GGA2: variants seen among roughly 807,000 people sequenced by gnomAD.
The protein encoded by GGA2 is ADP-ribosylation factor-binding protein GGA2.
Under a neutral mutation model 79.5 loss-of-function variants are expected in GGA2, and 48 were observed. That is an observed-to-expected ratio of 0.60 (90% CI 0.48 to 0.77). The LOEUF (loss-of-function observed/expected upper bound fraction) is 0.77. Ranked by LOEUF, GGA2 falls within the 30% of genes least tolerant of loss-of-function variation. The probability of loss-of-function intolerance (pLI) is 0.00; values close to 1 mark genes in which losing one functional copy is unlikely to be tolerated. For synonymous variants in GGA2, 317 were observed against 302.0 expected (o/e 1.05, Z -0.51); for missense variants, 770 against 774.0 (o/e 0.99, Z 0.06).
At chr16:23,513,131 G>A (rs757997343), upstream of GGA2, among the ~76,000 whole-genome samples, 14 of 152,180 alleles carry the variant, frequency 9.2e-5, no homozygotes, top group Non-Finnish European at 1.6e-4. Flanking sequence ...CAGGGGGCAT[G>A]AGCTCTACAG....
Position 23,479,777 on chromosome 16 carries a change from G to A in GGA2, c.1117C>T (p.Leu373=), listed in dbSNP as rs1240440775. ...CACCTGCCCTCACCCAAGGCTGCCA[G>A]GTCCTGATGAAGCAAAGATGGCACC... ...TVVPSLLHQD[L]AALGISDAPV... Residue 373 remains leucine (L), a synonymous_variant, in exon 11 of 17, where the codon CTG becomes TTG. Coordinates refer to ENST00000309859, the MANE Select transcript of GGA2 (RefSeq NM_015044.4). 6.2e-7 allele frequency: 1 copy of A among 1,614,076 alleles called. No individual in the cohort carries two copies. Among genetic ancestry groups the A allele is most frequent in the Admixed American group, 1.7e-5 (1 of 60,002 alleles).
At chr16:23,474,026 T>C (rs1964546900) in intron 14 of GGA2, among the ~76,000 whole-genome samples, 1 of 152,242 alleles carries the variant, frequency 6.6e-6, no homozygotes, top group Non-Finnish European at 1.5e-5. Context: ...ACCTGAGTTG[T>C]GTCCTGCTCT....
chr16:23,510,081 T>TGGGGGGG (rs1567371809), intron 1 of GGA2, among the ~76,000 whole-genome samples: 1 of 7,952 alleles, frequency 1.3e-4, no homozygotes, highest in Non-Finnish European at 2.4e-4. Flanking sequence ...TGCTGCTAAG[T>TGGGGGGG]TGGGGGGTGG....
intron 1 of GGA2, among the ~76,000 whole-genome samples, chr16:23,520,059 C>T (rs978454425): frequency 3.3e-5 from 5 of 152,102 alleles, no homozygotes; most frequent in African/African-American, 1.2e-4. Context: ...CCAGCCTGAT[C>T]CACATGGAGA....
chr16:23,486,086 T>C lies in GGA2; in HGVS notation c.727A>G (p.Lys243Glu). Residue 243 changes from lysine (K) to glutamate (E), a missense_variant, in exon 8 of 17, where the codon AAG becomes GAG. By Grantham distance (56) the Lys-to-Glu change is moderately conservative. Transcript: ENST00000309859. ...SAVEEVRSHV[K>E]VLQEMLSMYR... ...ATGCTCAGCATCTCCTGCAGCACCTTCACATGGCTTCGCACTTCCTCCACC... is the reference window on the plus strand; with the variant it reads ...ATGCTCAGCATCTCCTGCAGCACCTCCACATGGCTTCGCACTTCCTCCACC... 1 of 1,613,992 alleles carries C rather than the reference T, an allele frequency of 6.2e-7. No homozygotes were observed.
intron 8 of GGA2, among the ~76,000 whole-genome samples, chr16:23,485,220 G>A (rs931709589): frequency 1.5e-4 from 23 of 152,214 alleles, no homozygotes; most frequent in African/African-American, 5.5e-4. Flanking sequence ...TGGTTGCCAG[G>A]GACTGGGGAA....
Position 23,464,221 on chromosome 16 carries a change from G to GCT in GGA2, c.*3367_*3368dup, listed in dbSNP as rs1298756017. 1.3e-5 allele frequency: 2 copies of GCT among 152,100 alleles called. No individual in the cohort carries two copies. Among genetic ancestry groups the GCT allele is most frequent in the African/African-American group, 4.8e-5 (2 of 41,410 alleles). The allele number at this position is 152,100 out of a possible 1,614,324, so 9.4% of individuals were successfully genotyped here. The stretch of plus-strand genomic sequence containing the variant: ...TCATGACCTGTTTGTGTTCAGAGTG[G>GCT]CTCACAGATAAGGAAACATTTTTGC... On this transcript the variant is annotated 3_prime_UTR_variant, in exon 17 of 17. Transcript: ENST00000309859.
intron 14 of GGA2, among the ~76,000 whole-genome samples, chr16:23,472,876 T>A (rs1596976099): frequency 6.6e-6 from 1 of 150,726 alleles, no homozygotes; most frequent in East Asian, 2.0e-4. Flanking sequence ...CTACTAAAAA[T>A]ACAAAAAAGT....
At chr16:23,505,910 T>G (rs1294534423) in intron 1 of GGA2, among the ~76,000 whole-genome samples, 1 of 152,224 alleles carries the variant, frequency 6.6e-6, no homozygotes, top group Non-Finnish European at 1.5e-5. Flanking sequence ...ACCCCTACTC[T>G]GGGACTTTCT....
At chr16:23,474,268 G>A (rs1256695299) in intron 14 of GGA2, among the ~76,000 whole-genome samples, 1 of 152,156 alleles carries the variant, frequency 6.6e-6, no homozygotes, top group Non-Finnish European at 1.5e-5. Flanking sequence ...ATGTGCCTAA[G>A]TAAGCCTTTT....
At chr16:23,523,993 GTTT>G, upstream of GGA2, 1 of 177,274 alleles carries the variant, frequency 5.6e-6, no homozygotes, top group Non-Finnish European at 1.2e-5. Context: ...AATCTCTGTT[GTTT>G]AAACCACCTG....
At chr16:23,500,367 T>G (rs376276782) in intron 1 of GGA2, among the ~76,000 whole-genome samples, 1 of 152,196 alleles carries the variant, frequency 6.6e-6, no homozygotes. Flanking sequence ...TGAGCACCAA[T>G]GCCAGCCCCA....
intron 13 of GGA2, among the ~76,000 whole-genome samples, chr16:23,477,036 C>T (rs926331419): frequency 2.0e-5 from 3 of 152,156 alleles, no homozygotes; most frequent in Non-Finnish European, 4.4e-5. Context: ...ACTGCAGCCT[C>T]GACTTTCCGG....
At chr16:23,478,037 TA>T (rs373374099) in intron 13 of GGA2, among the ~76,000 whole-genome samples, 68 of 139,940 alleles carry the variant, frequency 4.9e-4, no homozygotes, top group East Asian at 8.4e-4. Flanking sequence ...TACTAAAAAT[TA>T]AAAAAAAAAA....
At chr16:23,469,093 C>T (rs1964477419) in intron 15 of GGA2, 97 bp from the exon 16 acceptor site, 1 of 749,020 alleles carries the variant, frequency 1.3e-6, no homozygotes, top group East Asian at 2.6e-5. Flanking sequence ...CAACACCCCT[C>T]CAAGAGGAAA....
At chr16:23,519,887 T>C (rs1362195225) in intron 1 of GGA2, among the ~76,000 whole-genome samples, 2 of 152,206 alleles carry the variant, frequency 1.3e-5, no homozygotes, top group Non-Finnish European at 2.9e-5. Context: ...GATCACTGTT[T>C]CTAAGGATGA....
At position 23,479,084 on chromosome 16, in the gene GGA2, A is replaced by AC. The variant is rs1211611997; in HGVS notation, c.1130-174dup. 6 of 633,604 alleles carry AC rather than the reference A, an allele frequency of 9.5e-6. No homozygotes were observed. The Admixed American group carries it at 1.4e-4, about 15-fold the overall frequency. The allele number at this position is 633,604 out of a possible 1,614,324, so 39.2% of individuals were successfully genotyped here. On this transcript the variant is annotated intron_variant, in intron 11 of 16. Coordinates refer to ENST00000309859, the MANE Select transcript of GGA2 (RefSeq NM_015044.4). ...AATCTGTGACTAATATGCAAGGGGG[A>AC]CCCTCTGAACTGCCCAGAACACCTG...
rs759691471 is a variant in GGA2, at chr16:23,482,972, G to C, written c.831C>G (p.Pro277=). ...TGTCACTCGCCAACCGGAACAGCGT[G>C]GGCCGCAGCTTTTCACACCTCTCAT... ...VVYERCEKLR[P]TLFRLASDTT... Residue 277 remains proline, a synonymous_variant, in exon 9 of 17, where the codon CCC becomes CCG. Coordinates refer to ENST00000309859, the MANE Select transcript of GGA2 (RefSeq NM_015044.4). 5.6e-6 allele frequency: 9 copies of C among 1,612,668 alleles called. 1 individual carries two copies. The South Asian group carries it at 8.8e-5, about 16-fold the overall frequency.
Position 23,494,140 on chromosome 16 carries a change from G to A in GGA2, c.252+163C>T. The A allele has an allele frequency of 9.7e-6, 6 of 621,698 alleles. 1 individual carries two copies. In the South Asian group the frequency reaches 1.2e-4, roughly 12 times the overall value. 38.5% of individuals were successfully genotyped at this position (621,698 alleles called of 1,614,324 possible). A position where few individuals can be genotyped will look rare whatever the true frequency, so the allele number is the denominator to read the frequency against. On this transcript the variant is annotated intron_variant, in intron 3 of 16. Transcript: ENST00000309859. ...ACGAGAAACAGGAGGAAGAAGGGTGGGGACCCTGGCCCAGATCTCCCTCCT... is the reference window on the plus strand; with the variant it reads ...ACGAGAAACAGGAGGAAGAAGGGTGAGGACCCTGGCCCAGATCTCCCTCCT...
Sources: gnomAD v4.1 joint callset for allele counts (sites outside exome capture counted in the v4.1 genomes callset) on GRCh38, gnomAD v4.1.1 for gene constraint, MANE v1.5 for transcripts, NCBI Gene and HGNC (gene_info 2026-07-23, HGNC 2026-07-21) for gene names.